QTGAL: variants seen among roughly 807,000 people sequenced by gnomAD.
QTGAL encodes BGnT-like protein 1.
At chr17:83,040,496 G>C in the QTGAL span, among the ~76,000 whole-genome samples, 1 of 152,012 alleles carries the variant, frequency 6.6e-6, no homozygotes, top group Non-Finnish European at 1.5e-5. Flanking sequence ...GAAGAAACCT[G>C]AACACAGCTT....
chr17:82,970,800 A>G, the QTGAL span, among the ~76,000 whole-genome samples: 16 of 152,304 alleles, frequency 1.1e-4, no homozygotes, highest in South Asian at 3.3e-3. Flanking sequence ...GAGACTTGGT[A>G]TAGGAAAAAG....
chr17:82,958,631 C>T, the QTGAL span, among the ~76,000 whole-genome samples: 33 of 152,192 alleles, frequency 2.2e-4, no homozygotes, highest in African/African-American at 7.7e-4. Flanking sequence ...CACGGGGTCC[C>T]CTCTGTCAGC....
chr17:82,984,088 GCACAC>G, the QTGAL span, among the ~76,000 whole-genome samples: 14 of 132,878 alleles, frequency 1.1e-4, no homozygotes, highest in African/African-American at 3.7e-4. Flanking sequence ...GGCCACGTGA[GCACAC>G]GGGGGAGAGA....
At chr17:82,949,590 G>C in the QTGAL span, 1 of 152,192 alleles carries the variant, frequency 6.6e-6, no homozygotes, top group East Asian at 1.9e-4. Context: ...CAAAACCACA[G>C]GGAACCGGTC....
chr17:82,956,626 G>C, the QTGAL span: 1 of 1,446,530 alleles, frequency 6.9e-7, no homozygotes, highest in East Asian at 2.5e-5. This position sits in a 1 kb window ranked among gnomAD's most constrained non-coding sequence, Gnocchi z 5.7. Flanking sequence ...TTGCACAGCA[G>C]GGCGGGTTGT....
the QTGAL span, among the ~76,000 whole-genome samples, chr17:83,041,130 A>G: frequency 6.6e-6 from 1 of 152,134 alleles, no homozygotes; most frequent in Non-Finnish European, 1.5e-5. Context: ...GAGGAGCTCA[A>G]GAGTATATTT....
chr17:82,971,585 G>C, the QTGAL span, among the ~76,000 whole-genome samples: 4 of 150,128 alleles, frequency 2.7e-5, no homozygotes, highest in African/African-American at 9.7e-5. Context: ...ACACTCATAG[G>C]GGCCAGAAGG....
At chr17:83,039,293 C>T in the QTGAL span, among the ~76,000 whole-genome samples, 5 of 97,848 alleles carry the variant, frequency 5.1e-5, no homozygotes, top group East Asian at 3.4e-4. Flanking sequence ...GGGCGCCCGC[C>T]GCCCGCCCCT....
At chr17:83,039,398 C>T in the QTGAL span, among the ~76,000 whole-genome samples, 4 of 75,110 alleles carry the variant, frequency 5.3e-5, no homozygotes, top group African/African-American at 1.6e-4. Context: ...CACTGCTGGG[C>T]GCCCGCCGCC....
chr17:82,973,701 A>C, the QTGAL span, among the ~76,000 whole-genome samples: 1 of 152,148 alleles, frequency 6.6e-6, no homozygotes, highest in Non-Finnish European at 1.5e-5. Flanking sequence ...GCCGGCTAAG[A>C]AGTTACCTGC....
the QTGAL span, chr17:82,957,619 C>G: frequency 3.8e-6 from 5 of 1,299,450 alleles, no homozygotes; most frequent in African/African-American, 1.5e-5. Context: ...GGCCCAATGC[C>G]TAAGAGAGAC....
At chr17:83,001,594 A>G in the QTGAL span, among the ~76,000 whole-genome samples, 1 of 20,146 alleles carries the variant, frequency 5.0e-5, no homozygotes, top group Admixed American at 7.3e-4. Flanking sequence ...CACAGAAAGC[A>G]GAGGGGCGGG....
chr17:83,027,724 A>AG, the QTGAL span, among the ~76,000 whole-genome samples: 2 of 149,062 alleles, frequency 1.3e-5, no homozygotes, highest in African/African-American at 2.5e-5. Flanking sequence ...AAAAAAAAAA[A>AG]GCAAGCCACT....
chr17:83,004,989 T>C, the QTGAL span: 1 of 686,086 alleles, frequency 1.5e-6, no homozygotes, highest in Non-Finnish European at 2.4e-6. Context: ...GGCATGTGAG[T>C]GAAGGCGAGG....
At chr17:82,951,512 T>C in the QTGAL span, among the ~76,000 whole-genome samples, 2 of 152,220 alleles carry the variant, frequency 1.3e-5, no homozygotes, top group African/African-American at 4.8e-5. Flanking sequence ...ACTTTCTCCC[T>C]ATCCGCACTA....
At chr17:83,019,377 CA>C in the QTGAL span, among the ~76,000 whole-genome samples, 67 of 152,170 alleles carry the variant, frequency 4.4e-4, 1 homozygote, top group Non-Finnish European at 8.8e-5. Flanking sequence ...AATTATCACG[CA>C]CAAAATATTT....
the QTGAL span, among the ~76,000 whole-genome samples, chr17:83,044,709 C>T: frequency 6.6e-6 from 1 of 152,174 alleles, no homozygotes; most frequent in African/African-American, 2.4e-5. Flanking sequence ...TTTGGGAGGC[C>T]AAGGCAGGCG....
At chr17:83,036,053 A>G in the QTGAL span, among the ~76,000 whole-genome samples, 71 of 151,920 alleles carry the variant, frequency 4.7e-4, no homozygotes, top group Middle Eastern at 6.8e-3. Flanking sequence ...TGCACATCCC[A>G]TGACCCAGCT....
chr17:83,043,996 T>TA, the QTGAL span, among the ~76,000 whole-genome samples: 1 of 151,140 alleles, frequency 6.6e-6, no homozygotes, highest in African/African-American at 2.4e-5. Flanking sequence ...GACTCAGTAA[T>TA]AAAAAAAACA....
Sources: gnomAD v4.1 joint callset for allele counts (sites outside exome capture counted in the v4.1 genomes callset) on GRCh38, gnomAD v4.1.1 for gene constraint, Gnocchi (gnomAD v3.1) non-coding constraint, MANE v1.5 for transcripts, NCBI Gene and HGNC (gene_info 2026-07-23, HGNC 2026-07-21) for gene names.